The following MINDY4 variants were observed in gnomAD, a reference collection of about 807,000 sequenced individuals.
The protein encoded by MINDY4 is MINDY lysine 48 deubiquitinase 4.
A neutral mutation model predicts 87.0 loss-of-function variants in MINDY4; 68 were observed. That is an observed-to-expected ratio of 0.78 (90% CI 0.64 to 0.96). The LOEUF (loss-of-function observed/expected upper bound fraction) is 0.96, where lower values mean the gene tolerates loss of function less well. Among genes scored for constraint, MINDY4 ranks in the 40% least tolerant of loss-of-function variants. The probability of loss-of-function intolerance (pLI) is 0.00; values close to 1 mark genes in which losing one functional copy is unlikely to be tolerated. For synonymous variants in MINDY4, 379 were observed against 363.2 expected, an observed-to-expected ratio of 1.04 and a Z score of -0.50; for missense variants, 919 against 928.2, an observed-to-expected ratio of 0.99 and a Z score of 0.13.
Position 30,882,974 on chromosome 7 carries a change from G to A in MINDY4, c.2206G>A (p.Glu736Lys), listed in dbSNP as rs746188470. Residue 736 changes from glutamate (E) to lysine (K), a missense_variant, in exon 17 of 18, where the codon GAG becomes AAG. Physicochemically the swap from Glu to Lys is moderately conservative, Grantham distance 56. Transcript: ENST00000265299. The stretch of plus-strand genomic sequence containing the variant: ...AGACAACGACCTTGTCCCACCCCTC[G>A]AGCTCTGCATCAGAACCAAGTGAGT... ...DTDNDLVPPL[E>K]LCIRTKWKGA... is the part of the protein sequence containing the mutation. The A allele has an allele frequency of 2.5e-5, 40 of 1,613,858 alleles. No individual in the cohort carries two copies. Among genetic ancestry groups the A allele is most frequent in the African/African-American group, 6.7e-5 (5 of 74,888 alleles).
Position 30,882,374 on chromosome 7 carries a change from A to AGCCCCCCCCCCCCCCCCC in MINDY4, c.2152+13_2152+14insGCCCCCCCCCCCCCCCCC. ...CGGCTGACCATTGGTGCGGGCCCTCACCCCCCCACCCACCCAACCCTGTCC... is the reference window on the plus strand; with the variant it reads ...CGGCTGACCATTGGTGCGGGCCCTCAGCCCCCCCCCCCCCCCCCCCCCCCCACCCACCCAACCCTGTCC... On this transcript the variant is annotated intron_variant, in intron 16 of 17. Transcript: ENST00000265299. 3 of 1,420,746 alleles carry AGCCCCCCCCCCCCCCCCC rather than the reference A, an allele frequency of 2.1e-6. No homozygotes were observed. Among genetic ancestry groups the AGCCCCCCCCCCCCCCCCC allele is most frequent in the Non-Finnish European group, 2.8e-6 (3 of 1,061,552 alleles). 88.0% of individuals were successfully genotyped at this position (1,420,746 alleles called of 1,614,324 possible). A position where few individuals can be genotyped will look rare whatever the true frequency, so the allele number is the denominator to read the frequency against.
At chr7:30,889,672 C>A (rs536672139) in intron 17 of MINDY4, among the ~76,000 whole-genome samples, 1 of 152,260 alleles carries the variant, frequency 6.6e-6, no homozygotes, top group African/African-American at 2.4e-5. Flanking sequence ...CACACAGAAG[C>A]CCAGTAAATA....
intron 15 of MINDY4, among the ~76,000 whole-genome samples, chr7:30,879,614 T>G (rs1027581529): frequency 6.6e-6 from 1 of 152,222 alleles, no homozygotes; most frequent in African/African-American, 2.4e-5. Context: ...CTGGCCTTTG[T>G]GCACGCTGCA....
chr7:30,821,707 T>G (rs1447154843), intron 5 of MINDY4, among the ~76,000 whole-genome samples: 3 of 152,184 alleles, frequency 2.0e-5, no homozygotes, highest in Non-Finnish European at 1.5e-5. Context: ...ATGTTGGACT[T>G]TAGAAGTTTT....
intron 1 of MINDY4, 49 bp from the exon 2 acceptor site, chr7:30,778,383 C>A: frequency 6.2e-7 from 1 of 1,612,724 alleles, no homozygotes. Context: ...ATGAGAACAG[C>A]GGGTTTTGAT....
chr7:30,824,479 G>A (rs1788436505), intron 5 of MINDY4, among the ~76,000 whole-genome samples: 1 of 152,262 alleles, frequency 6.6e-6, no homozygotes, highest in East Asian at 1.9e-4. Context: ...TAAGTGATCA[G>A]TATCTTTATT....
intron 14 of MINDY4, among the ~76,000 whole-genome samples, chr7:30,873,102 C>T (rs1000335451): frequency 2.6e-5 from 4 of 152,210 alleles, no homozygotes; most frequent in Admixed American, 1.3e-4. Context: ...TGGAAACCTA[C>T]GTGGGCACCA....
chr7:30,843,814 G>A (rs1362023957), intron 9 of MINDY4, among the ~76,000 whole-genome samples: 2 of 152,188 alleles, frequency 1.3e-5, no homozygotes, highest in African/African-American at 2.4e-5. Context: ...AGCCCAGTGG[G>A]TCCTGGGGCT....
At chr7:30,798,876 G>T (rs1000723023) in intron 5 of MINDY4, among the ~76,000 whole-genome samples, 1 of 152,158 alleles carries the variant, frequency 6.6e-6, no homozygotes, top group Non-Finnish European at 1.5e-5. Flanking sequence ...GGGTCCATGT[G>T]CTTGCAGTCC....
At chr7:30,868,579 G>T (rs1790008113) in intron 13 of MINDY4, among the ~76,000 whole-genome samples, 1 of 152,230 alleles carries the variant, frequency 6.6e-6, no homozygotes, top group Non-Finnish European at 1.5e-5. Context: ...GCTGACATCT[G>T]TCACTAACTC....
intron 5 of MINDY4, among the ~76,000 whole-genome samples, chr7:30,815,360 G>T (rs539416599): frequency 2.4e-4 from 37 of 152,346 alleles, no homozygotes; most frequent in African/African-American, 8.7e-4. Flanking sequence ...AGGCTGGGCT[G>T]CCAGGAAGCC....
intron 5 of MINDY4, among the ~76,000 whole-genome samples, chr7:30,816,857 C>T (rs1788165512): frequency 6.6e-6 from 1 of 152,138 alleles, no homozygotes; most frequent in Admixed American, 6.5e-5. Flanking sequence ...TTTCCACATC[C>T]TTAAGAGGAA....
chr7:30,790,796 A>G (rs1276030896), intron 4 of MINDY4, among the ~76,000 whole-genome samples: 1 of 152,184 alleles, frequency 6.6e-6, no homozygotes, highest in Non-Finnish European at 1.5e-5. Flanking sequence ...TGGTTATATT[A>G]CAGGTGAGGA....
chr7:30,840,953 C>A, intron 9 of MINDY4, 105 bp downstream of exon 9: 2 of 1,004,254 alleles, frequency 2.0e-6, no homozygotes, highest in South Asian at 1.6e-5. Flanking sequence ...TATTTCCTGT[C>A]TTCTGCAGGT....
intron 4 of MINDY4, among the ~76,000 whole-genome samples, chr7:30,788,419 G>A (rs1255966335): frequency 1.3e-5 from 2 of 152,180 alleles, no homozygotes; most frequent in African/African-American, 4.8e-5. Flanking sequence ...ATATTGGTTA[G>A]TGAGTTATAT....
intron 5 of MINDY4, among the ~76,000 whole-genome samples, chr7:30,801,877 T>C (rs779252956): frequency 1.3e-4 from 20 of 152,058 alleles, no homozygotes; most frequent in Non-Finnish European, 2.4e-4. Context: ...GGAAGATGAG[T>C]GATCTTGTAT....
intron 6 of MINDY4, among the ~76,000 whole-genome samples, chr7:30,834,869 A>G (rs1324952002): frequency 2.0e-5 from 3 of 152,166 alleles, no homozygotes; most frequent in African/African-American, 4.8e-5. Context: ...AACAAGAGTC[A>G]CCTTTGCTCC....
chr7:30,869,493 T>A (rs896689731), intron 13 of MINDY4, among the ~76,000 whole-genome samples: 1 of 152,064 alleles, frequency 6.6e-6, no homozygotes, highest in Non-Finnish European at 1.5e-5. Context: ...AGGTGAGAAG[T>A]CCAAGATCAA....
intron 4 of MINDY4, among the ~76,000 whole-genome samples, chr7:30,789,450 C>G (rs1037960149): frequency 1.3e-5 from 2 of 152,218 alleles, no homozygotes; most frequent in African/African-American, 4.8e-5. Context: ...TTATTGGTTG[C>G]TCAGGAGAAA....
Sources: gnomAD v4.1 joint callset for allele counts (sites outside exome capture counted in the v4.1 genomes callset) on GRCh38, gnomAD v4.1.1 for gene constraint, MANE v1.5 for transcripts, NCBI Gene and HGNC (gene_info 2026-07-23, HGNC 2026-07-21) for gene names.